The following MTERF3 variants were observed in gnomAD, a reference collection of about 807,000 sequenced individuals.
MTERF3 encodes the protein mitochondrial transcription termination factor 3.
Under a neutral mutation model 40.5 loss-of-function variants are expected in MTERF3, and 40 were observed. That is an observed-to-expected ratio of 0.99 (90% confidence interval 0.77 to 1.29). MTERF3 has a LOEUF of 1.29. MTERF3 is among the 50% of genes most tolerant of loss of function. The pLI, the probability that MTERF3 is intolerant of heterozygous loss-of-function variation, is 0.00. For synonymous variants in MTERF3, 158 were observed against 166.6 expected (o/e 0.95, Z 0.40); for missense variants, 452 against 478.2 (o/e 0.95, Z 0.51).
intron 6 of MTERF3, 124 bp from the exon 7 acceptor site, chr8:96,244,204 C>T (rs966172061): frequency 1.8e-5 from 13 of 718,178 alleles, no homozygotes; most frequent in Non-Finnish European, 2.9e-5. Context: ...GGATGGAGTG[C>T]AGTGGCATGA....
intron 5 of MTERF3, 23 bp downstream of exon 5, chr8:96,246,284 A>G: frequency 6.3e-7 from 1 of 1,579,850 alleles, no homozygotes. Flanking sequence ...ATGGAAATAA[A>G]CAAATTCTCT....
chr8:96,241,347 T>C (rs1248930751), intron 7 of MTERF3, among the ~76,000 whole-genome samples: 3 of 151,674 alleles, frequency 2.0e-5, no homozygotes, highest in African/African-American at 4.9e-5. Flanking sequence ...GAGGCGGCGG[T>C]TGCACTGAGC....
In MTERF3 at chr8:96,244,201, G is replaced by A. The variant is rs947523270; in HGVS notation, c.898-121C>T. 65 of 744,792 alleles carry A rather than the reference G, an allele frequency of 8.7e-5. No individual in the cohort carries two copies. The African/African-American group carries it at 1.0e-3, about 12-fold the overall frequency. The allele number at this position is 744,792 out of a possible 1,614,324, so 46.1% of individuals were successfully genotyped here. A position where few individuals can be genotyped will look rare whatever the true frequency, so the allele number is the denominator to read the frequency against. On this transcript the variant is annotated intron_variant, in intron 6 of 7. Coordinates refer to ENST00000287025, the MANE Select transcript of MTERF3 (RefSeq NM_015942.5). ...AGCTCGCTATGTTGCCCAGGATGGA[G>A]TGCAGTGGCATGATCTCCTGCCTCA...
intron 3 of MTERF3, among the ~76,000 whole-genome samples, chr8:96,254,738 T>C (rs964276347): frequency 2.0e-5 from 3 of 152,238 alleles, no homozygotes; most frequent in Non-Finnish European, 4.4e-5. Context: ...ATTCCAGTTA[T>C]TCTTATATAT....
At position 96,258,597 on chromosome 8, in the gene MTERF3, T is replaced by C. The variant is rs151046309; in HGVS notation, c.94A>G (p.Arg32Gly). Residue 32 changes from arginine (R) to glycine (G), a missense_variant, in exon 2 of 8, where the codon AGA becomes GGA. Transcript: ENST00000287025. Reference sequence around the variant, plus strand: ...CCATGTAACAGTGTTCTTGCTGGTCTAGTAAAACGTTTTGTGAGTTGTGCA... The same window carrying C: ...CCATGTAACAGTGTTCTTGCTGGTCCAGTAAAACGTTTTGTGAGTTGTGCA... ...NAAQLTKRFT[R>G]PARTLLHGFS... The C allele has an allele frequency of 4.4e-4, 711 of 1,614,168 alleles. 1 individual carries two copies. In the African/African-American group the frequency reaches 8.4e-3, roughly 19 times the overall value.
At chr8:96,261,385 G>A (rs1255900458) in intron 1 of MTERF3, 116 bp downstream of exon 1, 1 of 152,296 alleles carries the variant, frequency 6.6e-6, no homozygotes, top group Non-Finnish European at 1.5e-5. Context: ...CCCTCTACTG[G>A]GCCGCGAAAA....
At chr8:96,252,401 T>A (rs1353394458) in intron 3 of MTERF3, among the ~76,000 whole-genome samples, 1 of 152,182 alleles carries the variant, frequency 6.6e-6, no homozygotes, top group African/African-American at 2.4e-5. Context: ...TAATTCTAGA[T>A]AAAGAATCTA....
Position 96,250,695 on chromosome 8 carries a change from G to GGA in MTERF3, c.677+210_677+211insTC, listed in dbSNP as rs1491344222. Reference sequence around the variant, plus strand: ...AGAAGAAGAAGAAGGAGGAGGAGGAGGGGGGGAGGGGGAGGGGGAGAAGAA... The same window carrying GGA: ...AGAAGAAGAAGAAGGAGGAGGAGGAGGAGGGGGGAGGGGGAGGGGGAGAAGAA... On this transcript the variant is annotated intron_variant, in intron 4 of 7. Transcript: ENST00000287025. 3.1e-5 allele frequency among the ~76,000 whole-genome samples: 2 copies of GGA among 63,848 alleles called. 1 individual carries two copies. Among genetic ancestry groups the GGA allele is most frequent in the Non-Finnish European group, 6.6e-5 (2 of 30,112 alleles). 41.9% of individuals were successfully genotyped at this position (63,848 alleles called of 152,430 possible). A position where few individuals can be genotyped will look rare whatever the true frequency, so the allele number is the denominator to read the frequency against.
intron 4 of MTERF3, among the ~76,000 whole-genome samples, chr8:96,246,714 C>T (rs985279058): frequency 5.9e-5 from 9 of 152,242 alleles, no homozygotes; most frequent in African/African-American, 7.2e-5. Flanking sequence ...GTATTAGTTG[C>T]GGTTTTTGCC....
At chr8:96,256,431 A>C (rs1209553177) in intron 3 of MTERF3, among the ~76,000 whole-genome samples, 1 of 152,186 alleles carries the variant, frequency 6.6e-6, no homozygotes, top group Non-Finnish European at 1.5e-5. Context: ...TAACCCCAGA[A>C]ACAAACAAAC....
intron 7 of MTERF3, among the ~76,000 whole-genome samples, chr8:96,241,140 G>A (rs557635764): frequency 6.6e-5 from 10 of 152,068 alleles, no homozygotes; most frequent in Admixed American, 2.6e-4. Context: ...GGCCGGGCGC[G>A]GTGGCTCACA....
At chr8:96,251,957 G>A (rs1284221387) in intron 3 of MTERF3, among the ~76,000 whole-genome samples, 3 of 152,140 alleles carry the variant, frequency 2.0e-5, no homozygotes, top group African/African-American at 7.2e-5. Context: ...GGGACCAGGT[G>A]GGAGGTAACT....
intron 3 of MTERF3, among the ~76,000 whole-genome samples, chr8:96,254,662 G>T (rs1031118752): frequency 6.6e-6 from 1 of 152,140 alleles, no homozygotes; most frequent in Non-Finnish European, 1.5e-5. Flanking sequence ...TGGACACTTA[G>T]GCTGATTCAC....
At chr8:96,244,932 TC>T (rs1809995331) in intron 6 of MTERF3, among the ~76,000 whole-genome samples, 1 of 152,262 alleles carries the variant, frequency 6.6e-6, no homozygotes, top group Admixed American at 6.5e-5. Context: ...ACCAAACAGA[TC>T]CTTCAGCAGC....
intron 4 of MTERF3, among the ~76,000 whole-genome samples, chr8:96,250,653 GAAGAAGAAGAAGAAGAAGA>G (rs1810146728): frequency 7.5e-5 from 2 of 26,656 alleles, no homozygotes; most frequent in African/African-American, 2.8e-4. Context: ...AGAAGAAGAA[GAAGAAGAAGAAGAAGAAGA>G]AGAAGAAGAA....
Position 96,246,328 on chromosome 8 carries a change from T to G in MTERF3, c.804A>C (p.Glu268Asp). 1 of 1,605,994 alleles carries G rather than the reference T, an allele frequency of 6.2e-7. No individual in the cohort carries two copies. The highest frequency in any genetic ancestry group is 8.5e-7 in the Non-Finnish European group (1 of 1,178,486). Residue 268 changes from glutamate (E) to aspartate (D), a missense_variant, in exon 5 of 8, where the codon GAA becomes GAC. By Grantham distance (45) the Glu-to-Asp change is conservative (BLOSUM62 2). Coordinates refer to ENST00000287025, the MANE Select transcript of MTERF3 (RefSeq NM_015942.5). ...TTACCTTCTTCACACTAAGTTCAAG[T>G]TCTTTCTGAAAAAATCCCAATCTGT... ...LDNRLGFFQK[E>D]LELSVKKTRD...
chr8:96,239,404 A>G lies in MTERF3; in HGVS notation c.*87T>C. On this transcript the variant is annotated 3_prime_UTR_variant, in exon 8 of 8. Coordinates refer to ENST00000287025, the MANE Select transcript of MTERF3 (RefSeq NM_015942.5). ...ACAGTATCAAATGGTTTCCAATATCAGTTGAGACCCGAGGCATTTAAAAAT... is the reference window on the plus strand; with the variant it reads ...ACAGTATCAAATGGTTTCCAATATCGGTTGAGACCCGAGGCATTTAAAAAT... 1 of 1,047,420 alleles carries G rather than the reference A, an allele frequency of 9.5e-7. No homozygotes were observed. The highest frequency in any genetic ancestry group is 1.3e-6 in the Non-Finnish European group (1 of 751,218). The allele number at this position is 1,047,420 out of a possible 1,614,324, so 64.9% of individuals were successfully genotyped here.
At chr8:96,247,012 GC>G (rs1157353837) in intron 4 of MTERF3, among the ~76,000 whole-genome samples, 1 of 151,870 alleles carries the variant, frequency 6.6e-6, no homozygotes, top group African/African-American at 2.4e-5. Context: ...CCGCTCTGTT[GC>G]CCAGGCTGGA....
chr8:96,257,606 C>T (rs1482319858), intron 2 of MTERF3, among the ~76,000 whole-genome samples: 1 of 152,160 alleles, frequency 6.6e-6, no homozygotes, highest in Non-Finnish European at 1.5e-5. Context: ...ACCTGCAGTC[C>T]TCTCTACAGG....
Sources: gnomAD v4.1 joint callset for allele counts (sites outside exome capture counted in the v4.1 genomes callset) on GRCh38, gnomAD v4.1.1 for gene constraint, MANE v1.5 for transcripts, NCBI Gene and HGNC (gene_info 2026-07-23, HGNC 2026-07-21) for gene names.